Variants in SLC27A1 observed in about 807,000 individuals in gnomAD.
SLC27A1 encodes the protein solute carrier family 27 member 1, also known as long-chain fatty acid transport protein 1.
Under a neutral mutation model 62.2 loss-of-function variants are expected in SLC27A1, and 61 were observed. That is an observed-to-expected ratio of 0.98 (90% CI 0.80 to 1.21). The LOEUF (loss-of-function observed/expected upper bound fraction) is 1.21. SLC27A1 is among the 50% of genes most tolerant of loss of function. SLC27A1 has a pLI of 0.00. For synonymous variants in SLC27A1, 435 were observed against 408.6 expected, an observed-to-expected ratio of 1.06 and a Z score of -0.78; for missense variants, 903 against 932.1, an observed-to-expected ratio of 0.97 and a Z score of 0.41.
At position 17,501,435 on chromosome 19, in the gene SLC27A1, A is replaced by T. The variant is rs2075411909; in HGVS notation, c.1783+16A>T. The T allele has an allele frequency of 6.2e-7, 1 of 1,606,616 alleles. No individual in the cohort carries two copies. Among genetic ancestry groups the T allele is most frequent in the African/African-American group, 1.3e-5 (1 of 74,662 alleles). ...GACACCACAGGTGCGAGTCTCCCCCACTCCAATCTCTCTCTTCATCCATCA... is the reference window on the plus strand; with the variant it reads ...GACACCACAGGTGCGAGTCTCCCCCTCTCCAATCTCTCTCTTCATCCATCA... On this transcript the variant is annotated intron_variant, in intron 11 of 11. Coordinates refer to ENST00000252595, the MANE Select transcript of SLC27A1 (RefSeq NM_198580.3).
chr19:17,498,597 G>T, intron 7 of SLC27A1: 1 of 201,936 alleles, frequency 5.0e-6, no homozygotes, highest in Non-Finnish European at 1.0e-5. Flanking sequence ...TGTGTGCGGA[G>T]ACGAGAGATT....
chr19:17,487,060 C>T (rs747082327), intron 2 of SLC27A1, 103 bp downstream of exon 2: 16 of 1,564,444 alleles, frequency 1.0e-5, no homozygotes, highest in Non-Finnish European at 1.3e-5. Flanking sequence ...CCGCCCTGGA[C>T]GTGGGCATGA....
chr19:17,497,796 T>G (rs1489888843), intron 7 of SLC27A1: 1 of 331,058 alleles, frequency 3.0e-6, no homozygotes, highest in Non-Finnish European at 5.6e-6. Flanking sequence ...TAGGGCTCTG[T>G]GTACCGTGCT....
At chr19:17,491,910 T>C (rs1265686244) in intron 6 of SLC27A1, among the ~76,000 whole-genome samples, 1 of 151,858 alleles carries the variant, frequency 6.6e-6, no homozygotes, top group Non-Finnish European at 1.5e-5. Flanking sequence ...GAAAAGAAAA[T>C]ATTTCATCTG....
intron 6 of SLC27A1, chr19:17,496,126 A>C (rs1276410599): frequency 1.3e-5 from 2 of 152,362 alleles, no homozygotes; most frequent in Non-Finnish European, 2.9e-5. Flanking sequence ...AGCCCCGAGC[A>C]CATTTGCAGC....
At chr19:17,481,348 A>C (rs2075176529) in intron 1 of SLC27A1, among the ~76,000 whole-genome samples, 1 of 125,978 alleles carries the variant, frequency 7.9e-6, no homozygotes, top group Admixed American at 8.4e-5. Flanking sequence ...ACAGAGTCTC[A>C]ATCTGTCACC....
intron 7 of SLC27A1, 132 bp downstream of exon 7, chr19:17,497,596 C>A (rs748924034): frequency 4.8e-6 from 4 of 827,276 alleles, no homozygotes; most frequent in South Asian, 1.5e-5. Flanking sequence ...GCACGCAGGG[C>A]GGGGTGTAAG....
At position 17,500,422 on chromosome 19, in the gene SLC27A1, A is replaced by G. The variant is rs772935246; in HGVS notation, c.1333+18A>G. On this transcript the variant is annotated intron_variant, in intron 8 of 11. Transcript: ENST00000252595. ...CCAGGCCGGTGAGCAGGGCCCCCGCATGGTCCCCACCCGGAGCAGGGGTCC... is the reference window on the plus strand; with the variant it reads ...CCAGGCCGGTGAGCAGGGCCCCCGCGTGGTCCCCACCCGGAGCAGGGGTCC... The G allele has an allele frequency of 1.2e-6, 2 of 1,613,424 alleles. No homozygotes were observed. The highest frequency in any genetic ancestry group is 1.1e-5 in the South Asian group (1 of 91,046).
intron 1 of SLC27A1, 98 bp downstream of exon 1, chr19:17,470,805 C>A (rs377608983): frequency 1.4e-6 from 1 of 733,738 alleles, no homozygotes; most frequent in Non-Finnish European, 1.6e-6. Context: ...TTGGAGGGTC[C>A]GGAGAGCTGA....
At chr19:17,500,234 C>T (rs1300606847) in intron 7 of SLC27A1, 44 bp from the exon 8 acceptor site, 5 of 1,599,022 alleles carry the variant, frequency 3.1e-6, no homozygotes, top group Non-Finnish European at 4.3e-6. Flanking sequence ...GAGAAGGACC[C>T]CGCATATCCC....
At chr19:17,485,041 G>A (rs1444683840) in intron 1 of SLC27A1, among the ~76,000 whole-genome samples, 1 of 152,078 alleles carries the variant, frequency 6.6e-6, no homozygotes, top group Non-Finnish European at 1.5e-5. Context: ...AAGGTTATTG[G>A]TTCCCAGAGC....
intron 1 of SLC27A1, among the ~76,000 whole-genome samples, chr19:17,475,758 A>G (rs1423444289): frequency 6.6e-6 from 1 of 152,170 alleles, no homozygotes; most frequent in East Asian, 1.9e-4. Flanking sequence ...CATGCCCTGT[A>G]CTTCCTGCAT....
At chr19:17,494,806 A>C (rs1233757453) in intron 6 of SLC27A1, among the ~76,000 whole-genome samples, 1 of 152,044 alleles carries the variant, frequency 6.6e-6, no homozygotes, top group Non-Finnish European at 1.5e-5. Flanking sequence ...CCAAAAAAAA[A>C]AAAAATAGGC....
At chr19:17,498,859 G>A in intron 7 of SLC27A1, 1 of 155,114 alleles carries the variant, frequency 6.4e-6, no homozygotes, top group Non-Finnish European at 1.4e-5. Flanking sequence ...GCAGAGAGAG[G>A]GAGAGAGAGA....
intron 1 of SLC27A1, among the ~76,000 whole-genome samples, chr19:17,479,643 CCTCT>C (rs3079220): frequency 6.6e-6 from 1 of 151,236 alleles, no homozygotes; most frequent in Non-Finnish European, 1.5e-5. Flanking sequence ...TTTCTTTCTC[CCTCT>C]CTCTCTCAAT....
At position 17,489,022 on chromosome 19, in the gene SLC27A1, G is replaced by A. The variant is rs748327860; in HGVS notation, c.901G>A (p.Val301Met). ...ACCCTCTGCAGGAAACATCATCGGC[G>A]TGGGGCAGTGTCTCATCTATGGGCT... Reference protein sequence around the residue: ...LYHSAGNIIGVGQCLIYGLTV... With the variant: ...LYHSAGNIIGMGQCLIYGLTV... The change falls in exon 6 of 12, where the codon GTG (valine) becomes ATG (methionine). Residue 301 changes from valine (V) to methionine (M), a missense_variant. Physicochemically the swap from Val to Met is conservative, Grantham distance 21 (BLOSUM62 1). Coordinates refer to ENST00000252595, the MANE Select transcript of SLC27A1 (RefSeq NM_198580.3). The A allele has an allele frequency of 5.0e-6, 8 of 1,614,166 alleles. No individual in the cohort carries two copies. Among genetic ancestry groups the A allele is most frequent in the Admixed American group, 3.3e-5 (2 of 60,024 alleles).
upstream of SLC27A1, among the ~76,000 whole-genome samples, chr19:17,470,257 C>T (rs968176507): frequency 2.6e-5 from 4 of 151,828 alleles, no homozygotes; most frequent in Non-Finnish European, 5.9e-5. Flanking sequence ...GGGGCGGAGC[C>T]TGGCCAGGAC....
In SLC27A1 at chr19:17,486,551, C is replaced by G; in HGVS notation, c.168-12C>G. On this transcript the variant is annotated splice_polypyrimidine_tract_variant and intron_variant, in intron 1 of 11. Coordinates refer to ENST00000252595, the MANE Select transcript of SLC27A1 (RefSeq NM_198580.3). This position sits in a 1 kb window ranked among gnomAD's most constrained non-coding sequence, Gnocchi z 6.6. ...GCACCAGTGACGCTGTCCCCTCCGT[C>G]CTCCCTCCCAGCGGTCTCTCTGTGC... 1 of 1,565,770 alleles carries G rather than the reference C, an allele frequency of 6.4e-7. No individual in the cohort carries two copies.
chr19:17,473,019 A>G (rs140852679), intron 1 of SLC27A1, among the ~76,000 whole-genome samples: 20 of 152,056 alleles, frequency 1.3e-4, no homozygotes, highest in African/African-American at 4.6e-4. Context: ...TCTGGTCTGG[A>G]ACTCCTGGCT....
Sources: allele counts gnomAD v4.1 joint callset (sites outside exome capture counted in the v4.1 genomes callset), GRCh38; gene constraint gnomAD v4.1.1; non-coding constraint Gnocchi (gnomAD v3.1); transcripts MANE v1.5; gene names NCBI Gene and HGNC (gene_info 2026-07-23, HGNC 2026-07-21).